GOLT1B: variants seen among roughly 807,000 people sequenced by gnomAD.
The protein encoded by GOLT1B is golgi transport 1B.
In GOLT1B, 3 loss-of-function variants were observed where a neutral mutation model predicts 15.4. That is an observed-to-expected ratio of 0.19 (90% CI 0.09 to 0.50). GOLT1B has a LOEUF of 0.50. GOLT1B is among the 20% of genes least tolerant of loss of function. The pLI is 0.97. For synonymous variants in GOLT1B, 65 were observed against 56.2 expected, an observed-to-expected ratio of 1.16 and a Z score of -0.70; for missense variants, 145 against 160.4, an observed-to-expected ratio of 0.90 and a Z score of 0.52.
chr12:21,515,610 T>TA (rs1943750121), intron 4 of GOLT1B, 59 bp from the exon 5 acceptor site: 6 of 819,062 alleles, frequency 7.3e-6, no homozygotes, highest in African/African-American at 1.7e-5. Context: ...TAAATATTGA[T>TA]ATAATGTTTT....
chr12:21,502,753 A>G (rs574411916), intron 1 of GOLT1B, among the ~76,000 whole-genome samples: 17 of 152,236 alleles, frequency 1.1e-4, no homozygotes, highest in Admixed American at 2.0e-4. Context: ...GTTAATATTA[A>G]TAATTTTTGT....
At chr12:21,502,086 G>C (rs71539409) in intron 1 of GOLT1B, 138 bp downstream of exon 1, 21,894 of 699,510 alleles carry the variant, frequency 0.031, 419 homozygotes, top group Non-Finnish European at 0.041. Context: ...GGGCTGCTGG[G>C]ACCCTAAGGG....
chr12:21,505,411 T>C (rs1591760480), intron 1 of GOLT1B, among the ~76,000 whole-genome samples: 1 of 152,342 alleles, frequency 6.6e-6, no homozygotes, highest in South Asian at 2.1e-4. Flanking sequence ...ACTATCCAAA[T>C]AGTTAATTTG....
At chr12:21,508,838 A>G (rs1200501962) in intron 3 of GOLT1B, among the ~76,000 whole-genome samples, 4 of 152,068 alleles carry the variant, frequency 2.6e-5, no homozygotes, top group Non-Finnish European at 5.9e-5. Flanking sequence ...ATTTGTATCA[A>G]CTAAATAGTG....
intron 3 of GOLT1B, among the ~76,000 whole-genome samples, chr12:21,509,825 G>T (rs1943707240): frequency 6.6e-6 from 1 of 152,202 alleles, no homozygotes; most frequent in Admixed American, 6.5e-5. Context: ...TGAAAAGAAT[G>T]AATACTCTTA....
chr12:21,508,252 T>C, intron 2 of GOLT1B, 131 bp from the exon 3 acceptor site: 2 of 619,094 alleles, frequency 3.2e-6, no homozygotes, highest in Non-Finnish European at 5.6e-6. Flanking sequence ...TACAGTTCTG[T>C]CTGGCCAGTT....
At chr12:21,513,372 C>A (rs1426711859) in intron 4 of GOLT1B, among the ~76,000 whole-genome samples, 1 of 152,144 alleles carries the variant, frequency 6.6e-6, no homozygotes, top group African/African-American at 2.4e-5. Flanking sequence ...TCTTAGAAGG[C>A]CATTCAGAAT....
chr12:21,508,841 A>G (rs1271612480), intron 3 of GOLT1B, among the ~76,000 whole-genome samples: 2 of 152,080 alleles, frequency 1.3e-5, no homozygotes, highest in Admixed American at 1.3e-4. Context: ...TGTATCAACT[A>G]AATAGTGGTA....
At chr12:21,514,623 G>A (rs1239701220) in intron 4 of GOLT1B, among the ~76,000 whole-genome samples, 2 of 152,168 alleles carry the variant, frequency 1.3e-5, no homozygotes, top group South Asian at 2.1e-4. Flanking sequence ...ATGTTGGAAT[G>A]TAGGCTTATA....
chr12:21,515,692 C>CA lies in GOLT1B; in HGVS notation c.404dup (p.Asn135LysfsTer21). On this transcript the variant is annotated frameshift_variant, in exon 5 of 5. Transcript: ENST00000229314. LOFTEE classifies it high-confidence loss of function. ...AGTTTGTAGATAAAGTTGGAGAAAG[C>CA]AACAATATGGTATAACAACAAGTGA... The CA allele has an allele frequency of 7.3e-7, 1 of 1,368,702 alleles. No homozygotes were observed. Among genetic ancestry groups the CA allele is most frequent in the Non-Finnish European group, 1.0e-6 (1 of 967,756 alleles). 84.8% of individuals were successfully genotyped at this position (1,368,702 alleles called of 1,614,324 possible). A position where few individuals can be genotyped will look rare whatever the true frequency, so the allele number is the denominator to read the frequency against.
chr12:21,512,601 T>C (rs1318741790), intron 4 of GOLT1B, among the ~76,000 whole-genome samples: 1 of 152,216 alleles, frequency 6.6e-6, no homozygotes, highest in Non-Finnish European at 1.5e-5. Context: ...ATATTCTCTA[T>C]TTTTTAATGT....
At chr12:21,508,251 G>T in intron 2 of GOLT1B, 132 bp from the exon 3 acceptor site, 1 of 617,948 alleles carries the variant, frequency 1.6e-6, no homozygotes, top group Non-Finnish European at 2.8e-6. Flanking sequence ...TTACAGTTCT[G>T]TCTGGCCAGT....
At chr12:21,505,242 C>T (rs911947161) in intron 1 of GOLT1B, among the ~76,000 whole-genome samples, 1 of 151,982 alleles carries the variant, frequency 6.6e-6, no homozygotes, top group Non-Finnish European at 1.5e-5. Flanking sequence ...AAAAACATCT[C>T]AGAATTTTTA....
chr12:21,507,790 A>G (rs956495981), intron 2 of GOLT1B, among the ~76,000 whole-genome samples: 15 of 152,346 alleles, frequency 9.8e-5, no homozygotes, highest in African/African-American at 3.4e-4. Flanking sequence ...TTTCTTGTCC[A>G]CAGAATACAT....
chr12:21,512,870 G>A (rs570595077), intron 4 of GOLT1B, among the ~76,000 whole-genome samples: 1 of 152,054 alleles, frequency 6.6e-6, no homozygotes, highest in African/African-American at 2.4e-5. Context: ...TTCGAGACCA[G>A]CCTGGGCAAC....
At chr12:21,502,180 A>G (rs919123580) in intron 1 of GOLT1B, among the ~76,000 whole-genome samples, 2 of 152,048 alleles carry the variant, frequency 1.3e-5, no homozygotes, top group African/African-American at 4.8e-5. Context: ...GGGACGCCCT[A>G]TGTTGGGAGG....
intron 4 of GOLT1B, chr12:21,515,166 A>G: frequency 2.7e-6 from 2 of 753,168 alleles, no homozygotes; most frequent in Middle Eastern, 4.6e-4. Context: ...CAGAATACAC[A>G]TTTAAAGTAT....
chr12:21,511,451 T>A (rs1440754154), intron 3 of GOLT1B, among the ~76,000 whole-genome samples: 1 of 151,846 alleles, frequency 6.6e-6, no homozygotes, highest in Non-Finnish European at 1.5e-5. Context: ...CATGATTGAT[T>A]AAATTATTGG....
chr12:21,507,911 A>G (rs762593724), intron 2 of GOLT1B: 2 of 453,884 alleles, frequency 4.4e-6, no homozygotes, highest in Non-Finnish European at 8.9e-6. Flanking sequence ...TCTGCTATCA[A>G]CTTAGCCATG....
Sources: allele counts gnomAD v4.1 joint callset (sites outside exome capture counted in the v4.1 genomes callset), GRCh38; gene constraint gnomAD v4.1.1; transcripts MANE v1.5; gene names NCBI Gene and HGNC (gene_info 2026-07-23, HGNC 2026-07-21).